GHR: variants seen among roughly 807,000 people sequenced by gnomAD.
The protein encoded by GHR is GH receptor.
A neutral mutation model predicts 67.1 loss-of-function variants in GHR; 35 were observed. That is an observed-to-expected ratio of 0.52 (90% CI 0.40 to 0.69). The LOEUF is 0.69. GHR is among the 30% of genes least tolerant of loss of function. The pLI is 0.00. For synonymous variants in GHR, 272 were observed against 269.1 expected (o/e 1.01, Z -0.10); for missense variants, 792 against 764.6 (o/e 1.04, Z -0.42).
At chr5:42,694,834 T>G in intron 4 of GHR, 83 bp from the exon 5 acceptor site, 1 of 1,003,954 alleles carries the variant, frequency 1.0e-6, no homozygotes, top group Non-Finnish European at 1.6e-6. Flanking sequence ...ATTTATTGAA[T>G]CAGACTATCA....
chr5:42,621,182 G>T (rs1753426741), intron 2 of GHR, among the ~76,000 whole-genome samples: 2 of 152,034 alleles, frequency 1.3e-5, no homozygotes, highest in Admixed American at 1.3e-4. Context: ...TGCTGCTCTT[G>T]TAACAGTAGG....
intron 3 of GHR, among the ~76,000 whole-genome samples, chr5:42,673,936 C>T (rs539363446): frequency 1.6e-4 from 24 of 152,198 alleles, no homozygotes; most frequent in Non-Finnish European, 1.2e-4. Context: ...GTTGAAATTA[C>T]AATTTTTAAA....
intron 1 of GHR, among the ~76,000 whole-genome samples, chr5:42,469,325 G>T (rs1290929158): frequency 6.6e-6 from 1 of 152,168 alleles, no homozygotes; most frequent in Non-Finnish European, 1.5e-5. Context: ...TAGTGGTGGG[G>T]TGGATCATGC....
chr5:42,698,181 T>C (rs1579633008), intron 5 of GHR, among the ~76,000 whole-genome samples: 1 of 152,178 alleles, frequency 6.6e-6, no homozygotes, highest in African/African-American at 2.4e-5. Flanking sequence ...GTTGTCAATA[T>C]AGCATGTAGA....
At chr5:42,512,300 G>C (rs908578705) in intron 1 of GHR, among the ~76,000 whole-genome samples, 2 of 152,040 alleles carry the variant, frequency 1.3e-5, no homozygotes, top group Non-Finnish European at 2.9e-5. Flanking sequence ...CATATTCAAA[G>C]ACACAAAGAA....
intron 3 of GHR, among the ~76,000 whole-genome samples, chr5:42,653,568 A>G (rs1755110551): frequency 6.6e-6 from 1 of 152,200 alleles, no homozygotes; most frequent in African/African-American, 2.4e-5. Flanking sequence ...CATAACAACC[A>G]CACTTAATTT....
At position 42,587,664 on chromosome 5, in the gene GHR, T is replaced by G. The variant is rs150254831; in HGVS notation, c.70+21720T>G. On this transcript the variant is annotated intron_variant, in intron 2 of 9. Coordinates refer to ENST00000230882, the MANE Select transcript of GHR (RefSeq NM_000163.5). ...TGTGAACTTGGGGAAAGATTTGGGG[T>G]TTTTTTTGTTTTTTTTTTGTTTTTT... Among the ~76,000 whole-genome samples the G allele has an allele frequency of 5.1e-3, 778 of 151,624 alleles. 3 individuals carry two copies. The highest frequency in any genetic ancestry group is 0.017 in the African/African-American group (689 of 41,332).
At chr5:42,704,725 T>C (rs1168889788) in intron 6 of GHR, among the ~76,000 whole-genome samples, 2 of 152,018 alleles carry the variant, frequency 1.3e-5, no homozygotes, top group Non-Finnish European at 2.9e-5. Flanking sequence ...TATTATTGGT[T>C]TATTAGATTT....
At chr5:42,704,147 T>C (rs919761181) in intron 6 of GHR, among the ~76,000 whole-genome samples, 1 of 151,998 alleles carries the variant, frequency 6.6e-6, no homozygotes, top group Non-Finnish European at 1.5e-5. Flanking sequence ...TTCCTCATCT[T>C]AGAAGAAAAG....
intron 1 of GHR, among the ~76,000 whole-genome samples, chr5:42,500,177 T>C (rs1746482194): frequency 6.6e-6 from 1 of 152,230 alleles, no homozygotes; most frequent in South Asian, 2.1e-4. Context: ...TTTCAGCCCT[T>C]ACTCTCCTCC....
At chr5:42,523,033 G>T (rs769174829) in intron 1 of GHR, among the ~76,000 whole-genome samples, 6 of 152,176 alleles carry the variant, frequency 3.9e-5, no homozygotes, top group Non-Finnish European at 7.4e-5. Context: ...CAATGAGGAC[G>T]TGTGGCAATA....
chr5:42,463,992 C>CAA (rs70991406), intron 1 of GHR, among the ~76,000 whole-genome samples: 111 of 46,346 alleles, frequency 2.4e-3, no homozygotes, highest in Middle Eastern at 0.031. Flanking sequence ...GACTCCGTCT[C>CAA]AAAAAAAAAA....
Position 42,600,692 on chromosome 5 carries a change from G to T in GHR, c.71-28346G>T, listed in dbSNP as rs188803541. On this transcript the variant is annotated intron_variant, in intron 2 of 9. Transcript: ENST00000230882. ...TATCAACTCTGCCTTTAGCCCCTAG[G>T]GTATGACACCTGGCCTACCAAGGCT... Among the ~76,000 whole-genome samples, 139 of 152,194 alleles carry T rather than the reference G, an allele frequency of 9.1e-4. 1 individual carries two copies. Among genetic ancestry groups the T allele is most frequent in the Non-Finnish European group, 8.8e-5 (6 of 67,996 alleles).
chr5:42,626,846 A>G (rs1280460828), intron 2 of GHR, among the ~76,000 whole-genome samples: 1 of 152,168 alleles, frequency 6.6e-6, no homozygotes, highest in Non-Finnish European at 1.5e-5. Context: ...AGCCATGCTG[A>G]CCCTCTAAGA....
chr5:42,613,519 C>G (rs1752988310), intron 2 of GHR, among the ~76,000 whole-genome samples: 1 of 152,050 alleles, frequency 6.6e-6, no homozygotes, highest in African/African-American at 2.4e-5. Context: ...TCCTCTATAC[C>G]AGGCATCGCT....
intron 2 of GHR, among the ~76,000 whole-genome samples, chr5:42,587,410 C>G (rs191963280): frequency 9.9e-5 from 15 of 152,184 alleles, no homozygotes; most frequent in African/African-American, 3.6e-4. Flanking sequence ...TCCCCTTTCT[C>G]TTTTTGGTTT....
At chr5:42,479,836 G>T (rs971959937) in intron 1 of GHR, among the ~76,000 whole-genome samples, 3 of 152,084 alleles carry the variant, frequency 2.0e-5, no homozygotes, top group African/African-American at 7.2e-5. Flanking sequence ...CAAAAAACCA[G>T]CTCCTGGATT....
At chr5:42,632,454 C>T (rs1361985067) in intron 3 of GHR, among the ~76,000 whole-genome samples, 2 of 152,174 alleles carry the variant, frequency 1.3e-5, no homozygotes, top group African/African-American at 2.4e-5. Flanking sequence ...CTATGCACAA[C>T]CTAAAGAATC....
chr5:42,516,530 G>T (rs191032967), intron 1 of GHR, among the ~76,000 whole-genome samples: 1 of 152,100 alleles, frequency 6.6e-6, no homozygotes, highest in South Asian at 2.1e-4. Flanking sequence ...TGTGGCTCCG[G>T]TAAGATAATA....
Sources: allele counts gnomAD v4.1 joint callset (sites outside exome capture counted in the v4.1 genomes callset), GRCh38; gene constraint gnomAD v4.1.1; transcripts MANE v1.5; gene names NCBI Gene and HGNC (gene_info 2026-07-23, HGNC 2026-07-21).